Variants in GRIK2 observed in about 807,000 individuals in gnomAD.
The protein encoded by GRIK2 is glutamate ionotropic receptor kainate type subunit 2, also known as glutamate receptor ionotropic, kainate 2.
GRIK2 carries 32 observed loss-of-function variants against 100.3 expected under a neutral mutation model. The observed-to-expected ratio is 0.32, with a 90% CI of 0.24 to 0.43. GRIK2 has a LOEUF of 0.43. Ranked by LOEUF, GRIK2 falls within the 20% of genes least tolerant of loss-of-function variation. The pLI is 1.00. For missense variants in GRIK2, 843 were observed against 1,114.9 expected (o/e 0.76, Z 3.47); for synonymous variants, 417 against 389.4 (o/e 1.07, Z -0.83).
intron 2 of GRIK2, among the ~76,000 whole-genome samples, chr6:101,572,494 G>T (rs1267721990): frequency 1.3e-5 from 2 of 152,030 alleles, no homozygotes; most frequent in Non-Finnish European, 2.9e-5. Flanking sequence ...TTCAATTTAT[G>T]ATTAAAAAGA....
intron 7 of GRIK2, among the ~76,000 whole-genome samples, chr6:101,774,730 C>A (rs566925716): frequency 2.6e-5 from 4 of 152,224 alleles, no homozygotes; most frequent in African/African-American, 9.6e-5. Flanking sequence ...TGAAGAGTTT[C>A]TGTACATGAT....
At chr6:101,610,398 C>T (rs1301242751) in intron 2 of GRIK2, among the ~76,000 whole-genome samples, 3 of 151,734 alleles carry the variant, frequency 2.0e-5, no homozygotes, top group African/African-American at 7.2e-5. Flanking sequence ...ATGTTTAATA[C>T]TTTCATTTTA....
At chr6:101,402,894 C>A (rs1310346630) in intron 2 of GRIK2, among the ~76,000 whole-genome samples, 1 of 152,194 alleles carries the variant, frequency 6.6e-6, no homozygotes, top group Non-Finnish European at 1.5e-5. Flanking sequence ...AGGGTGAAGG[C>A]GGGACTCTTC....
chr6:102,031,475 T>C (rs1290934996), intron 14 of GRIK2, among the ~76,000 whole-genome samples: 1 of 151,258 alleles, frequency 6.6e-6, no homozygotes, highest in African/African-American at 2.4e-5. Context: ...TTTAATAATT[T>C]CAACTTATTT....
At chr6:101,581,629 C>G (rs756405423) in intron 2 of GRIK2, among the ~76,000 whole-genome samples, 7 of 152,076 alleles carry the variant, frequency 4.6e-5, no homozygotes, top group Non-Finnish European at 8.8e-5. Context: ...CTATACAACA[C>G]TAGTGTAAGT....
chr6:101,628,543 T>A (rs2128319373), intron 4 of GRIK2, among the ~76,000 whole-genome samples: 1 of 152,236 alleles, frequency 6.6e-6, no homozygotes, highest in South Asian at 2.1e-4. Flanking sequence ...CAATTTTGAA[T>A]GTCAGGTTCT....
chr6:102,019,040 T>C (rs1769286631), intron 14 of GRIK2, among the ~76,000 whole-genome samples: 1 of 152,078 alleles, frequency 6.6e-6, no homozygotes, highest in South Asian at 2.1e-4. Context: ...CTTTTAAAAA[T>C]AGATAAAATT....
chr6:102,013,492 G>A (rs917236761), intron 14 of GRIK2, among the ~76,000 whole-genome samples: 2 of 152,102 alleles, frequency 1.3e-5, no homozygotes, highest in South Asian at 2.1e-4. Context: ...TGGTGAGAGA[G>A]GGCGTCCTTG....
At chr6:102,017,118 C>G (rs114835118) in intron 14 of GRIK2, among the ~76,000 whole-genome samples, 1 of 151,980 alleles carries the variant, frequency 6.6e-6, no homozygotes. Flanking sequence ...CAAGAGTTCC[C>G]GAAAGAAGCA....
intron 7 of GRIK2, among the ~76,000 whole-genome samples, chr6:101,794,799 A>C (rs1218033030): frequency 7.6e-6 from 1 of 132,238 alleles, no homozygotes; most frequent in Admixed American, 7.2e-5. Flanking sequence ...TGGATTTTTT[A>C]TTTCTTGTGT....
At chr6:101,924,212 T>TA (rs1249342759) in intron 12 of GRIK2, among the ~76,000 whole-genome samples, 3 of 152,156 alleles carry the variant, frequency 2.0e-5, no homozygotes, top group African/African-American at 4.8e-5. Flanking sequence ...TTTCTGTCTT[T>TA]AAAATACTCT....
chr6:101,546,275 G>T (rs540647230), intron 2 of GRIK2, among the ~76,000 whole-genome samples: 1 of 152,200 alleles, frequency 6.6e-6, no homozygotes, highest in East Asian at 1.9e-4. Context: ...TTCAGAAAAG[G>T]TGATAAATAT....
chr6:101,402,783 G>C (rs1024629614), intron 2 of GRIK2, among the ~76,000 whole-genome samples: 3 of 152,170 alleles, frequency 2.0e-5, no homozygotes. Flanking sequence ...TCTCCAGAGC[G>C]CTGGCGCGGC....
At chr6:101,605,058 G>A (rs1005267208) in intron 2 of GRIK2, among the ~76,000 whole-genome samples, 25 of 151,998 alleles carry the variant, frequency 1.6e-4, no homozygotes, top group Non-Finnish European at 2.7e-4. Context: ...ATCATCCTAT[G>A]ACAGATAAAT....
chr6:101,570,640 A>C (rs545620066), intron 2 of GRIK2, among the ~76,000 whole-genome samples: 5 of 152,112 alleles, frequency 3.3e-5, no homozygotes, highest in African/African-American at 7.2e-5. Flanking sequence ...TCATCGATAG[A>C]ACCACTAATT....
intron 11 of GRIK2, among the ~76,000 whole-genome samples, chr6:101,876,009 TTGTGTG>T (rs3054436): frequency 2.7e-5 from 4 of 148,924 alleles, no homozygotes; most frequent in Admixed American, 6.7e-5. Flanking sequence ...GTTTATGTGT[TTGTGTG>T]TGTGTGTGTG....
At chr6:101,964,041 G>A (rs1302476279) in intron 14 of GRIK2, among the ~76,000 whole-genome samples, 1 of 145,692 alleles carries the variant, frequency 6.9e-6, no homozygotes, top group Non-Finnish European at 1.5e-5. Flanking sequence ...GCTTGCTATT[G>A]TTACTGAGAT....
intron 7 of GRIK2, among the ~76,000 whole-genome samples, chr6:101,708,349 T>TA (rs1405570701): frequency 1.5e-5 from 2 of 137,332 alleles, no homozygotes; most frequent in East Asian, 4.9e-4. Context: ...TATTTAAAAT[T>TA]ATCTTAGTTG....
chr6:101,863,295 G>A (rs141052350), intron 11 of GRIK2, among the ~76,000 whole-genome samples: 2 of 152,110 alleles, frequency 1.3e-5, no homozygotes, highest in Admixed American at 1.3e-4. Flanking sequence ...ATAATTTCAA[G>A]TACTCATGTT....
Sources: gnomAD v4.1 joint callset for allele counts (sites outside exome capture counted in the v4.1 genomes callset) on GRCh38, gnomAD v4.1.1 for gene constraint, MANE v1.5 for transcripts, NCBI Gene and HGNC (gene_info 2026-07-23, HGNC 2026-07-21) for gene names.